Variants in CNGB3 observed in about 807,000 individuals in gnomAD.
CNGB3 encodes cyclic nucleotide gated channel subunit beta 3.
In CNGB3, 86 loss-of-function variants were observed where a neutral mutation model predicts 92.8. That is an observed-to-expected ratio of 0.93 (90% CI 0.78 to 1.11). The LOEUF is 1.11. Ranked by LOEUF, CNGB3 falls within the 50% of genes least tolerant of loss-of-function variation. The pLI, the probability that CNGB3 is intolerant of heterozygous loss-of-function variation, is 0.00. For missense variants in CNGB3, 1,026 were observed against 956.8 expected (o/e 1.07, Z -0.95); for synonymous variants, 333 against 332.7 (o/e 1.00, Z -0.01).
intron 13 of CNGB3, among the ~76,000 whole-genome samples, chr8:86,612,548 C>T (rs1360822813): frequency 6.6e-6 from 1 of 152,178 alleles, no homozygotes; most frequent in Non-Finnish European, 1.5e-5. Flanking sequence ...GGGTCTGCTT[C>T]CAATTTGTGG....
intron 3 of CNGB3, among the ~76,000 whole-genome samples, chr8:86,673,891 A>G (rs1399392468): frequency 6.6e-6 from 1 of 152,200 alleles, no homozygotes; most frequent in East Asian, 1.9e-4. Flanking sequence ...TACAGTTCTG[A>G]CAATAAGAAC....
chr8:86,700,959 T>C (rs948540291), intron 3 of CNGB3, among the ~76,000 whole-genome samples: 11 of 152,256 alleles, frequency 7.2e-5, no homozygotes, highest in African/African-American at 2.4e-4. Context: ...TGTTTTTGAA[T>C]CATTCCCAAT....
intron 14 of CNGB3, among the ~76,000 whole-genome samples, chr8:86,605,447 C>A (rs1193596393): frequency 2.0e-5 from 3 of 152,044 alleles, no homozygotes; most frequent in African/African-American, 7.2e-5. Context: ...GCCTTGATCA[C>A]CTTGAGCTAT....
intron 3 of CNGB3, among the ~76,000 whole-genome samples, chr8:86,690,858 C>T (rs1475184498): frequency 3.3e-5 from 5 of 152,126 alleles, no homozygotes; most frequent in Non-Finnish European, 7.3e-5. Context: ...TGTCAAAGAT[C>T]AGGTAGTTGT....
At chr8:86,646,137 A>G (rs1436011710) in intron 8 of CNGB3, among the ~76,000 whole-genome samples, 1 of 151,016 alleles carries the variant, frequency 6.6e-6, no homozygotes, top group Non-Finnish European at 1.5e-5. Flanking sequence ...GAAACCTGAG[A>G]ATTTCTGAAA....
intron 15 of CNGB3, among the ~76,000 whole-genome samples, chr8:86,603,155 AC>A (rs1822342297): frequency 6.6e-6 from 1 of 152,076 alleles, no homozygotes; most frequent in Non-Finnish European, 1.5e-5. Flanking sequence ...TTACTTTCTA[AC>A]CACTTTTTCC....
At chr8:86,660,152 G>T (rs1823607327) in intron 6 of CNGB3, 2 of 305,458 alleles carry the variant, frequency 6.5e-6, no homozygotes, top group African/African-American at 2.2e-5. Flanking sequence ...CACCAGAAGT[G>T]GTTGTCTCAG....
Position 86,671,057 on chromosome 8 carries a change from T to C in CNGB3, c.380A>G (p.Tyr127Cys). 5 of 1,614,060 alleles carry C rather than the reference T, an allele frequency of 3.1e-6. No individual in the cohort carries two copies. The highest frequency in any genetic ancestry group is 1.1e-5 in the South Asian group (1 of 91,082). ...KPPAAPVINE[Y>C]ADAQLHNLVK... The stretch of plus-strand genomic sequence containing the variant: ...CAGGTTGTGTAGCTGGGCATCGGCA[T>C]ACTCATTTATAACAGGAGCTGCAGG... Residue 127 changes from tyrosine to cysteine, a missense_variant, in exon 4 of 18, where the codon TAT becomes TGT. By Grantham distance (194) the Tyr-to-Cys change is radical. Coordinates refer to ENST00000320005, the MANE Select transcript of CNGB3 (RefSeq NM_019098.5).
chr8:86,596,198 AAT>A (rs1455158989), intron 15 of CNGB3, among the ~76,000 whole-genome samples: 1 of 152,232 alleles, frequency 6.6e-6, no homozygotes, highest in African/African-American at 2.4e-5. Flanking sequence ...TGCAAATTAA[AAT>A]AACCTATTAA....
In CNGB3 at chr8:86,576,009, T is replaced by A. The variant is rs1821650546; in HGVS notation, c.2225A>T (p.Lys742Ile). The change falls in exon 18 of 18, where the codon AAA becomes ATA. Residue 742 changes from lysine to isoleucine, a missense_variant. Physicochemically the swap from Lys to Ile is moderately radical, Grantham distance 102. Coordinates refer to ENST00000320005, the MANE Select transcript of CNGB3 (RefSeq NM_019098.5). ...TGGCTTCTCTTCTGGCTCTCTTCCT[T>A]TATCTTTATCTTCATTTTCTTTTCC... is the stretch of plus-strand genomic sequence containing the variant. ...DKGKENEDKDKGREPEEKPLD... is the reference protein window; with the variant it reads ...DKGKENEDKDIGREPEEKPLD... 3.1e-6 allele frequency: 5 copies of A among 1,612,960 alleles called. No homozygotes were observed. The African/African-American group carries it at 5.3e-5, about 17-fold the overall frequency.
chr8:86,689,879 A>G lies in CNGB3; in HGVS notation c.339-18781T>C, dbSNP rs189274962. 6.5e-4 allele frequency among the ~76,000 whole-genome samples: 99 copies of G among 152,338 alleles called. 1 individual carries two copies. In the East Asian group the frequency reaches 9.6e-3, roughly 15 times the overall value. ...TTTCCAGCTTCATCCATGTCTCTAC[A>G]AAGGACATGAACTCATCCTTTTTTA... On this transcript the variant is annotated intron_variant, in intron 3 of 17. Transcript: ENST00000320005.
intron 10 of CNGB3, among the ~76,000 whole-genome samples, chr8:86,641,983 A>G (rs372535714): frequency 1.3e-5 from 2 of 151,708 alleles, no homozygotes; most frequent in Non-Finnish European, 2.9e-5. Flanking sequence ...GCTAAAGCTG[A>G]GATTTCTTTC....
At chr8:86,593,653 A>G in intron 15 of CNGB3, 1 of 528,012 alleles carries the variant, frequency 1.9e-6, no homozygotes, top group Non-Finnish European at 3.5e-6. Context: ...ACTGAGGTGG[A>G]CCCTAATGGT....
At chr8:86,629,105 C>A in intron 11 of CNGB3, 27 bp from the exon 12 acceptor site, 1 of 1,613,494 alleles carries the variant, frequency 6.2e-7, no homozygotes, top group Non-Finnish European at 8.5e-7. Context: ...GGTCACTCCA[C>A]GCCCAGCAGA....
At chr8:86,700,582 A>G (rs911556350) in intron 3 of CNGB3, among the ~76,000 whole-genome samples, 11 of 152,232 alleles carry the variant, frequency 7.2e-5, no homozygotes, top group Admixed American at 2.0e-4. Flanking sequence ...TATGGTGTGA[A>G]TCAAAACCAG....
chr8:86,634,732 C>G (rs895120870), intron 10 of CNGB3, among the ~76,000 whole-genome samples: 5 of 151,242 alleles, frequency 3.3e-5, no homozygotes, highest in African/African-American at 9.7e-5. Context: ...TATTTCTTAT[C>G]TAGGTATGCC....
intron 2 of CNGB3, among the ~76,000 whole-genome samples, chr8:86,733,923 A>C (rs139332512): frequency 6.6e-6 from 1 of 152,270 alleles, no homozygotes; most frequent in East Asian, 1.9e-4. Context: ...GCTGGAGTGC[A>C]GTGGCATGAC....
rs571986002 is a variant in CNGB3 at position 86,661,735 on chromosome 8, T to C, written c.852+5190A>G. 15 of 1,565,992 alleles carry C rather than the reference T, an allele frequency of 9.6e-6. No individual in the cohort carries two copies. The East Asian group carries it at 2.9e-4, about 30-fold the overall frequency. On this transcript the variant is annotated intron_variant, in intron 6 of 17. Transcript: ENST00000320005. Reference sequence around the variant, plus strand: ...TCTGACCCATGGGTAGTGGTTGATCTAGCATCTCAAACATCCAGGTGCTTA... The same window carrying C: ...TCTGACCCATGGGTAGTGGTTGATCCAGCATCTCAAACATCCAGGTGCTTA...
intron 3 of CNGB3, among the ~76,000 whole-genome samples, chr8:86,690,297 A>G (rs923474842): frequency 1.3e-5 from 2 of 152,086 alleles, no homozygotes; most frequent in Non-Finnish European, 2.9e-5. Context: ...TTTGATTGGC[A>G]TTTCTCTGAT....
Sources: allele counts gnomAD v4.1 joint callset (sites outside exome capture counted in the v4.1 genomes callset), GRCh38; gene constraint gnomAD v4.1.1; transcripts MANE v1.5; gene names NCBI Gene and HGNC (gene_info 2026-07-23, HGNC 2026-07-21).